Variants in SUPT7L observed in about 807,000 individuals in gnomAD.
SUPT7L encodes STAGA complex 65 subunit gamma.
SUPT7L carries 15 observed loss-of-function variants against 35.7 expected under a neutral mutation model. That is an observed-to-expected ratio of 0.42 (90% CI 0.28 to 0.65). SUPT7L has a LOEUF of 0.65. SUPT7L is among the 30% of genes least tolerant of loss of function. The pLI is 0.23. For missense variants in SUPT7L, 434 were observed against 522.2 expected (o/e 0.83, Z 1.65); for synonymous variants, 168 against 186.2 (o/e 0.90, Z 0.79).
downstream of SUPT7L, chr2:27,648,039 A>G: frequency 1.4e-6 from 1 of 711,878 alleles, no homozygotes; most frequent in Middle Eastern, 3.1e-4. Flanking sequence ...GTAGCCAGTA[A>G]TAGTGGATAA....
intron 2 of SUPT7L, chr2:27,661,682 G>A: frequency 1.6e-6 from 2 of 1,225,728 alleles, no homozygotes; most frequent in Non-Finnish European, 2.1e-6. Context: ...TGAACCACAG[G>A]GTAGAATTTG....
downstream of SUPT7L, among the ~76,000 whole-genome samples, chr2:27,649,882 A>G (rs1674442214): frequency 6.6e-6 from 1 of 152,204 alleles, no homozygotes; most frequent in Non-Finnish European, 1.5e-5. Context: ...AAAAATACCT[A>G]CAAGTGGGAC....
chr2:27,644,321 T>G, the SUPT7L span, among the ~76,000 whole-genome samples: 1 of 152,358 alleles, frequency 6.6e-6, no homozygotes, highest in African/African-American at 2.4e-5. Flanking sequence ...TATCCATTGA[T>G]ATAATAGGAA....
At chr2:27,661,988 G>C in intron 2 of SUPT7L, 191 bp downstream of exon 2, 2 of 722,738 alleles carry the variant, frequency 2.8e-6, no homozygotes, top group South Asian at 1.9e-5. Context: ...TATAGAACGT[G>C]AGAGATTTCT....
the SUPT7L span, among the ~76,000 whole-genome samples, chr2:27,642,747 A>G: frequency 1.3e-5 from 2 of 151,738 alleles, no homozygotes; most frequent in Non-Finnish European, 1.5e-5. Context: ...TATTTTTAGT[A>G]GAGATGGGGT....
the SUPT7L span, among the ~76,000 whole-genome samples, chr2:27,643,564 A>G: frequency 6.6e-5 from 10 of 152,326 alleles, no homozygotes; most frequent in East Asian, 1.7e-3. This position sits in a 1 kb window ranked among gnomAD's most constrained non-coding sequence, Gnocchi z 4.0. Flanking sequence ...TCCCCATGAT[A>G]GCAGGAGAAA....
chr2:27,647,880 C>T (rs778110020), downstream of SUPT7L: 9 of 1,613,694 alleles, frequency 5.6e-6, no homozygotes, highest in East Asian at 2.2e-5. Context: ...GATCCTGACT[C>T]GAGGAACCTT....
intron 2 of SUPT7L, 56 bp from the exon 3 acceptor site, chr2:27,661,444 C>A: frequency 6.2e-7 from 1 of 1,603,688 alleles, no homozygotes; most frequent in African/African-American, 1.3e-5. Flanking sequence ...AGACAATAAC[C>A]TAAAAGTAAT....
chr2:27,653,500 C>T lies in SUPT7L; in HGVS notation c.1230G>A (p.Arg410=), dbSNP rs1674652844. The T allele has an allele frequency of 1.9e-6, 3 of 1,613,974 alleles. No individual in the cohort carries two copies. The highest frequency in any genetic ancestry group is 1.3e-5 in the African/African-American group (1 of 75,026). Residue 410 remains arginine, a synonymous_variant, in exon 6 of 6, where the codon AGG becomes AGA. Transcript: ENST00000337768. ...TCTTTTCCTTTTATATTTTCCTCAT[C>T]CTCTTCTTGCAGCGCTGGTTGAAAA... ...SPVFNQRCKK[R]MRKI
rs760263007 is a variant in SUPT7L, at chr2:27,657,529, T to C, written c.560A>G (p.His187Arg). 1.2e-6 allele frequency: 2 copies of C among 1,614,258 alleles called. No individual in the cohort carries two copies. Among genetic ancestry groups the C allele is most frequent in the Non-Finnish European group, 1.7e-6 (2 of 1,180,038 alleles). Residue 187 changes from histidine to arginine, a missense_variant, in exon 4 of 6, where the codon CAT becomes CGT. Transcript: ENST00000337768. This position sits in a 1 kb window ranked among gnomAD's most constrained non-coding sequence, Gnocchi z 5.2. The part of the protein sequence containing the change: ...SVLETLTDVA[H>R]EYCLKFTKLL... ...CTTGGTAAACTTAAGGCAATACTCA[T>C]GTGCCACATCAGTTAGGGTCTCCAG... is the stretch of plus-strand genomic sequence containing the variant.
At position 27,655,402 on chromosome 2, in the gene SUPT7L, TG is replaced by T; in HGVS notation, c.944del (p.Pro315HisfsTer17). On this transcript the variant is annotated frameshift_variant, in exon 5 of 6. Transcript: ENST00000337768. LOFTEE classifies it high-confidence loss of function. ...GTGAAGCTTCAACCTCCAGGTTAGA[TG>T]GGAAGCGTTCGCTCTGAGCCCCAAG... ...GVLGAQSERF[P>X]SNLEVEASPQ... 6.2e-7 allele frequency: 1 copy of T among 1,602,502 alleles called. No individual in the cohort carries two copies. Among genetic ancestry groups the T allele is most frequent in the East Asian group, 2.2e-5 (1 of 44,686 alleles).
chr2:27,654,704 C>T (rs1674708633), intron 5 of SUPT7L, among the ~76,000 whole-genome samples: 1 of 152,110 alleles, frequency 6.6e-6, no homozygotes, highest in Non-Finnish European at 1.5e-5. Flanking sequence ...GTAGCTGGGA[C>T]TACGGGTGCC....
chr2:27,650,005 T>C, downstream of SUPT7L: 1 of 657,918 alleles, frequency 1.5e-6, no homozygotes, highest in Non-Finnish European at 2.8e-6. Context: ...GGGAAGTGAG[T>C]ACTTAAGTTT....
chr2:27,650,452 T>C (rs139771385), downstream of SUPT7L: 166 of 259,458 alleles, frequency 6.4e-4, 1 homozygote, highest in African/African-American at 3.4e-3. Flanking sequence ...TATACTGAGC[T>C]GATACTCTTC....
rs1257690904 is a variant in SUPT7L at position 27,653,667 on chromosome 2, A to C, written c.1063T>G (p.Ser355Ala). 2.5e-6 allele frequency: 4 copies of C among 1,614,062 alleles called. No homozygotes were observed. In the Admixed American group the frequency reaches 6.7e-5, roughly 27 times the overall value. Residue 355 changes from serine (S) to alanine (A), a missense_variant, in exon 6 of 6, where the codon TCT becomes GCT. By Grantham distance (99) the Ser-to-Ala change is moderately conservative. Around this residue, in one of 3 missense-constraint regions of SUPT7L, gnomAD observed 159 missense variants for 217.1 expected, o/e 0.73. Transcript: ENST00000337768. The part of the protein sequence containing the change: ...EPQESEEGNV[S>A]GHGVLGSDVF... ...TCACTGCCCAGCACACCATGCCCAG[A>C]GACATTGCCTTCTTCACTTTCTTGA...
chr2:27,654,526 C>G (rs1175143925), intron 5 of SUPT7L, among the ~76,000 whole-genome samples: 1 of 152,118 alleles, frequency 6.6e-6, no homozygotes, highest in African/African-American at 2.4e-5. Flanking sequence ...AAGGTAATCA[C>G]AGAGTCTGGA....
Position 27,657,227 on chromosome 2 carries a change from A to G in SUPT7L, c.744+118T>C, listed in dbSNP as rs1370768899. The G allele has an allele frequency of 3.5e-6, 4 of 1,136,226 alleles. No homozygotes were observed. Among genetic ancestry groups the G allele is most frequent in the African/African-American group, 1.6e-5 (1 of 63,900 alleles). 70.4% of individuals were successfully genotyped at this position (1,136,226 alleles called of 1,614,324 possible). A position where few individuals can be genotyped will look rare whatever the true frequency, so the allele number is the denominator to read the frequency against. ...CTAGGGCCATCATAAAAGTATGTTA[A>G]GTTCACTCTGTTCCAAGACTCTGTG... On this transcript the variant is annotated intron_variant, in intron 4 of 5. Transcript: ENST00000337768. This position sits in a 1 kb window ranked among gnomAD's most constrained non-coding sequence, Gnocchi z 5.2.
Position 27,657,604 on chromosome 2 carries a change from A to T in SUPT7L, c.485T>A (p.Val162Glu). Reference sequence around the variant, plus strand: ...GCCCGCGTGGGCCAGGATTGTGGCCACTGCCTGGTAGAGGAGCTGCCGACA... The same window carrying T: ...GCCCGCGTGGGCCAGGATTGTGGCCTCTGCCTGGTAGAGGAGCTGCCGACA... ...HSCRQLLYQA[V>E]ATILAHAGFD... is the part of the protein sequence containing the mutation. The change falls in exon 4 of 6, where the codon GTG (valine) becomes GAG (glutamate). Residue 162 changes from valine to glutamate, a missense_variant. By Grantham distance (121) the Val-to-Glu change is moderately radical. This residue lies in a region of SUPT7L where 198 missense variants were observed against 190.8 expected (regional missense o/e 1.04). Coordinates refer to ENST00000337768, the MANE Select transcript of SUPT7L (RefSeq NM_014860.3). The surrounding 1 kb of genome is among the most constrained non-coding windows in gnomAD (Gnocchi z 5.2). 6.2e-7 allele frequency: 1 copy of T among 1,614,234 alleles called. No individual in the cohort carries two copies. Among genetic ancestry groups the T allele is most frequent in the Non-Finnish European group, 8.5e-7 (1 of 1,180,028 alleles).
the SUPT7L span, among the ~76,000 whole-genome samples, chr2:27,644,564 G>A: frequency 2.6e-5 from 4 of 151,516 alleles, no homozygotes; most frequent in Admixed American, 2.0e-4. Flanking sequence ...AGATTTGTCT[G>A]GTTTTATTTT....
Sources: allele counts gnomAD v4.1 joint callset (sites outside exome capture counted in the v4.1 genomes callset), GRCh38; gene constraint gnomAD v4.1.1; regional missense constraint gnomAD v4.1.1; non-coding constraint Gnocchi (gnomAD v3.1); transcripts MANE v1.5; gene names NCBI Gene and HGNC (gene_info 2026-07-23, HGNC 2026-07-21).